COL4A1: variants seen among roughly 807,000 people sequenced by gnomAD.
COL4A1 encodes the protein collagen alpha-1(IV) chain.
Under a neutral mutation model 216.6 loss-of-function variants are expected in COL4A1, and 40 were observed. The ratio of observed to expected loss-of-function variants is 0.18; its 90% CI spans 0.14 to 0.24. The LOEUF is 0.24. Ranked by LOEUF, COL4A1 falls within the 10% of genes least tolerant of loss-of-function variation. The pLI, the probability that COL4A1 is intolerant of heterozygous loss-of-function variation, is 1.00. For missense variants in COL4A1, 1,628 were observed against 2,196.8 expected, an observed-to-expected ratio of 0.74 and a Z score of 5.18; for synonymous variants, 839 against 810.7, an observed-to-expected ratio of 1.03 and a Z score of -0.59.
intron 2 of COL4A1, among the ~76,000 whole-genome samples, chr13:110,219,967 CATATAT>C (rs71127921): frequency 7.5e-6 from 1 of 134,168 alleles, no homozygotes; most frequent in East Asian, 2.1e-4. Context: ...CATACATATA[CATATAT>C]ATATATATAT....
At chr13:110,296,313 A>C (rs1884273426) in intron 1 of COL4A1, among the ~76,000 whole-genome samples, 1 of 152,212 alleles carries the variant, frequency 6.6e-6, no homozygotes, top group South Asian at 2.1e-4. Context: ...TGCCCTCAAG[A>C]ATTATGCACT....
chr13:110,286,041 C>T (rs1594116839), intron 1 of COL4A1, among the ~76,000 whole-genome samples: 1 of 152,154 alleles, frequency 6.6e-6, no homozygotes, highest in East Asian at 1.9e-4. Context: ...AAAGGTGCAA[C>T]ATCGGCTCCC....
intron 29 of COL4A1, among the ~76,000 whole-genome samples, chr13:110,180,652 C>T (rs1878105886): frequency 6.6e-6 from 1 of 152,238 alleles, no homozygotes; most frequent in African/African-American, 2.4e-5. Context: ...AGCAGAATTT[C>T]AAGTATAGGC....
intron 2 of COL4A1, among the ~76,000 whole-genome samples, chr13:110,217,620 G>A (rs1050549089): frequency 2.6e-5 from 4 of 152,172 alleles, no homozygotes; most frequent in East Asian, 1.9e-4. Context: ...GAAAGTTTTC[G>A]TGCAGCTGAA....
In COL4A1 at chr13:110,213,956, A is replaced by C; in HGVS notation, c.204T>G (p.Pro68=). 6.2e-7 allele frequency: 1 copy of C among 1,613,998 alleles called. No homozygotes were observed. The highest frequency in any genetic ancestry group is 8.5e-7 in the Non-Finnish European group (1 of 1,180,004). The change falls in exon 3 of 52, where the codon CCT becomes CCG. Residue 68 remains proline, a synonymous_variant. Coordinates refer to ENST00000375820, the MANE Select transcript of COL4A1 (RefSeq NM_001845.6). ...GTCCTGGTGGTCCCTGTGGCCCCTC[A>C]GGTCCTTGCATTCCAGGAAACCCAA... ...GVIGFPGMQG[P]EGPQGPPGQK...
intron 51 of COL4A1, among the ~76,000 whole-genome samples, chr13:110,151,439 T>G (rs1219960455): frequency 6.6e-6 from 1 of 152,226 alleles, no homozygotes; most frequent in East Asian, 1.9e-4. Context: ...AAGTTTCCAG[T>G]TCCTTGAAAG....
At chr13:110,302,801 T>C (rs542008863) in intron 1 of COL4A1, among the ~76,000 whole-genome samples, 6 of 152,348 alleles carry the variant, frequency 3.9e-5, no homozygotes, top group African/African-American at 1.2e-4. Context: ...CATTTTTTCA[T>C]GGTTGCTTAA....
chr13:110,219,967 C>CATATATATATAT (rs71127921), intron 2 of COL4A1, among the ~76,000 whole-genome samples: 9 of 134,160 alleles, frequency 6.7e-5, no homozygotes, highest in African/African-American at 1.1e-4. Context: ...CATACATATA[C>CATATATATATAT]ATATATATAT....
chr13:110,209,931 T>A lies in COL4A1; in HGVS notation c.615+49A>T, dbSNP rs559812865. ...TATTATTTATTTTCAAACCTCAATA[T>A]AGTTGTTTTTTAAATGATTGCCTCG... is the stretch of plus-strand genomic sequence containing the variant. On this transcript the variant is annotated intron_variant, in intron 10 of 51. Transcript: ENST00000375820. The A allele has an allele frequency of 7.6e-6, 12 of 1,572,570 alleles. No homozygotes were observed. The East Asian group carries it at 1.6e-4, about 21-fold the overall frequency.
intron 2 of COL4A1, among the ~76,000 whole-genome samples, chr13:110,230,807 G>T (rs545606531): frequency 1.3e-5 from 2 of 152,344 alleles, no homozygotes; most frequent in African/African-American, 4.8e-5. Flanking sequence ...AGAAATGCAG[G>T]TTCCACGTGC....
intron 1 of COL4A1, among the ~76,000 whole-genome samples, chr13:110,260,576 T>C (rs566804357): frequency 6.6e-6 from 1 of 152,302 alleles, no homozygotes; most frequent in South Asian, 2.1e-4. Flanking sequence ...CGGCCCAAGC[T>C]TTCTAGAGAT....
At chr13:110,253,180 C>CGTATTATATATACATGTAACTGTAT (rs1566417498) in intron 1 of COL4A1, among the ~76,000 whole-genome samples, 2 of 91,166 alleles carry the variant, frequency 2.2e-5, no homozygotes, top group African/African-American at 9.5e-5. Flanking sequence ...ACTATATGTA[C>CGTATTATATATACATGTAACTGTAT]GTATGTATTA....
chr13:110,214,804 T>C (rs1879990600), intron 2 of COL4A1, among the ~76,000 whole-genome samples: 1 of 152,180 alleles, frequency 6.6e-6, no homozygotes, highest in Admixed American at 6.5e-5. Flanking sequence ...CCTCAGCCTC[T>C]ATAATCCTAT....
chr13:110,156,878 C>G (rs562783410), intron 49 of COL4A1, among the ~76,000 whole-genome samples: 3 of 151,744 alleles, frequency 2.0e-5, no homozygotes, highest in East Asian at 3.9e-4. Context: ...GTGTGTCTGT[C>G]TGTGTGTGTG....
chr13:110,293,427 T>A (rs117326226), intron 1 of COL4A1, among the ~76,000 whole-genome samples: 4,039 of 152,338 alleles, frequency 0.027, 98 homozygotes, highest in South Asian at 0.069. Flanking sequence ...TTCAAGTTAA[T>A]GCTACAGTTT....
chr13:110,153,678 C>T lies in COL4A1; in HGVS notation c.4756-1172G>A, dbSNP rs559091062. The stretch of plus-strand genomic sequence containing the variant: ...ATAAAGTAGTTACAATGCAGCACTT[C>T]GAATTATTGCAACAACCTGTTAATC... On this transcript the variant is annotated intron_variant, in intron 50 of 51. Coordinates refer to ENST00000375820, the MANE Select transcript of COL4A1 (RefSeq NM_001845.6). 5.3e-5 allele frequency among the ~76,000 whole-genome samples: 8 copies of T among 152,330 alleles called. No individual in the cohort carries two copies. In the South Asian group the frequency reaches 1.7e-3, roughly 32 times the overall value.
At chr13:110,169,894 G>T in intron 42 of COL4A1, 132 bp from the exon 43 acceptor site, 1 of 1,064,292 alleles carries the variant, frequency 9.4e-7, no homozygotes, top group African/African-American at 1.7e-5. Context: ...CAACCCTTGA[G>T]ACAGAAATCG....
chr13:110,162,976 A>G (rs2139146855), intron 47 of COL4A1, among the ~76,000 whole-genome samples: 1 of 152,282 alleles, frequency 6.6e-6, no homozygotes, highest in Non-Finnish European at 1.5e-5. Context: ...CACGTGCCAA[A>G]CTGTGCCCAG....
chr13:110,197,500 C>T (rs1161429768), intron 21 of COL4A1, among the ~76,000 whole-genome samples: 1 of 152,136 alleles, frequency 6.6e-6, no homozygotes, highest in African/African-American at 2.4e-5. Context: ...TGAGTGTCTC[C>T]AGGACTGCAA....
Sources: allele counts gnomAD v4.1 joint callset (sites outside exome capture counted in the v4.1 genomes callset), GRCh38; gene constraint gnomAD v4.1.1; transcripts MANE v1.5; gene names NCBI Gene and HGNC (gene_info 2026-07-23, HGNC 2026-07-21).